Variants in CPQ observed in about 807,000 individuals in gnomAD.
The protein encoded by CPQ is carboxypeptidase Q.
In CPQ, 37 loss-of-function variants were observed where a neutral mutation model predicts 45.7. That is an observed-to-expected ratio of 0.81 (90% CI 0.62 to 1.07). The LOEUF (loss-of-function observed/expected upper bound fraction) is 1.07, where lower values mean the gene tolerates loss of function less well. CPQ is among the 50% of genes least tolerant of loss of function. CPQ has a pLI of 0.00. For missense variants in CPQ, 537 were observed against 572.9 expected (o/e 0.94, Z 0.64); for synonymous variants, 186 against 205.8 (o/e 0.90, Z 0.82).
intron 6 of CPQ, chr8:97,055,595 G>T (rs920112720): frequency 2.0e-5 from 3 of 152,202 alleles, no homozygotes; most frequent in East Asian, 3.9e-4. Flanking sequence ...GAAGGCTGGT[G>T]GTCGCTTGGA....
chr8:96,898,775 A>AT (rs1491313763), intron 4 of CPQ, among the ~76,000 whole-genome samples: 119 of 46,158 alleles, frequency 2.6e-3, no homozygotes, highest in Middle Eastern at 0.015. Flanking sequence ...TTAGGGTATA[A>AT]TAAAAAAAAA....
intron 2 of CPQ, among the ~76,000 whole-genome samples, chr8:96,831,972 C>G (rs1437800257): frequency 6.6e-6 from 1 of 152,174 alleles, no homozygotes; most frequent in East Asian, 1.9e-4. Flanking sequence ...TGGCTAATGG[C>G]TACTGTGTTA....
intron 1 of CPQ, among the ~76,000 whole-genome samples, chr8:96,724,860 A>G (rs1255801391): frequency 1.3e-5 from 2 of 151,978 alleles, no homozygotes; most frequent in Non-Finnish European, 2.9e-5. Flanking sequence ...TGTTTATACT[A>G]TAAGGTAGTG....
At chr8:96,687,140 C>G (rs1809240882) in intron 1 of CPQ, among the ~76,000 whole-genome samples, 1 of 151,928 alleles carries the variant, frequency 6.6e-6, no homozygotes, top group South Asian at 2.1e-4. Context: ...CTTATTCTTT[C>G]ACATTCCATT....
At chr8:97,037,443 A>G (rs1376751033) in intron 6 of CPQ, among the ~76,000 whole-genome samples, 2 of 152,138 alleles carry the variant, frequency 1.3e-5, no homozygotes, top group African/African-American at 4.8e-5. Context: ...TTATATCTTT[A>G]ATGTTCTGTG....
intron 1 of CPQ, among the ~76,000 whole-genome samples, chr8:96,763,256 G>A (rs910682716): frequency 2.6e-5 from 4 of 152,092 alleles, no homozygotes; most frequent in Admixed American, 6.6e-5. Flanking sequence ...GAATTTGGGG[G>A]GTACATAACT....
chr8:97,134,186 C>A (rs1439772381), intron 7 of CPQ, among the ~76,000 whole-genome samples: 1 of 152,184 alleles, frequency 6.6e-6, no homozygotes, highest in Non-Finnish European at 1.5e-5. Flanking sequence ...TTCAGTGATT[C>A]AACAAATATC....
chr8:97,135,822 A>C (rs1812047318), intron 7 of CPQ, among the ~76,000 whole-genome samples: 1 of 152,246 alleles, frequency 6.6e-6, no homozygotes, highest in Non-Finnish European at 1.5e-5. Flanking sequence ...CTAAAATAAC[A>C]GACTTGAATT....
chr8:96,985,843 T>G (rs1808961105), intron 5 of CPQ, among the ~76,000 whole-genome samples: 1 of 152,252 alleles, frequency 6.6e-6, no homozygotes, highest in African/African-American at 2.4e-5. Flanking sequence ...CCAGTGTTAC[T>G]GTATCAAATT....
intron 1 of CPQ, among the ~76,000 whole-genome samples, chr8:96,660,282 G>C (rs555197068): frequency 3.0e-4 from 46 of 151,964 alleles, no homozygotes; most frequent in African/African-American, 1.1e-3. Context: ...TCTTCTCTCT[G>C]TGCATGCACA....
At chr8:96,872,460 A>C (rs1812084629) in intron 3 of CPQ, among the ~76,000 whole-genome samples, 1 of 151,830 alleles carries the variant, frequency 6.6e-6, no homozygotes, top group Non-Finnish European at 1.5e-5. Context: ...TTTTTATTAT[A>C]ATTTAGGTGT....
At chr8:97,042,697 G>A (rs979881230) in intron 6 of CPQ, among the ~76,000 whole-genome samples, 33 of 151,384 alleles carry the variant, frequency 2.2e-4, no homozygotes, top group Non-Finnish European at 3.0e-4. Flanking sequence ...CTTTGTTCTC[G>A]TTGGTTTCAA....
At chr8:96,896,172 A>G (rs186223480) in intron 4 of CPQ, among the ~76,000 whole-genome samples, 3 of 152,216 alleles carry the variant, frequency 2.0e-5, no homozygotes, top group Non-Finnish European at 2.9e-5. Context: ...TAGAGATGCT[A>G]TCTTAACATC....
intron 1 of CPQ, among the ~76,000 whole-genome samples, chr8:96,706,201 C>T (rs951857584): frequency 2.0e-5 from 3 of 152,040 alleles, no homozygotes; most frequent in Non-Finnish European, 2.9e-5. Flanking sequence ...TTTTTCTTGA[C>T]CTGTGGAATT....
At chr8:96,769,215 C>T (rs923298385) in intron 1 of CPQ, among the ~76,000 whole-genome samples, 2 of 152,138 alleles carry the variant, frequency 1.3e-5, no homozygotes, top group African/African-American at 4.8e-5. Flanking sequence ...CTTCCTATTA[C>T]ACTTATAGGG....
At chr8:96,850,836 T>G (rs1204499929) in intron 3 of CPQ, among the ~76,000 whole-genome samples, 1 of 152,264 alleles carries the variant, frequency 6.6e-6, no homozygotes, top group East Asian at 1.9e-4. Context: ...CTGGAACTCC[T>G]GACCTCAGGT....
At chr8:96,988,927 A>C (rs1809038763) in intron 5 of CPQ, among the ~76,000 whole-genome samples, 2 of 152,230 alleles carry the variant, frequency 1.3e-5, no homozygotes, top group African/African-American at 4.8e-5. Flanking sequence ...CAGGAAATAC[A>C]TCTTGACCAA....
At chr8:96,786,286 T>C (rs1482103904) in intron 2 of CPQ, among the ~76,000 whole-genome samples, 1 of 152,164 alleles carries the variant, frequency 6.6e-6, no homozygotes, top group African/African-American at 2.4e-5. Flanking sequence ...TATGTGATCT[T>C]TCATGAATTC....
chr8:97,122,912 TAAAATA>T (rs1169584831), intron 7 of CPQ, among the ~76,000 whole-genome samples: 1 of 64,556 alleles, frequency 1.5e-5, no homozygotes, highest in African/African-American at 1.0e-4. Context: ...TAAAATAAAA[TAAAATA>T]AAATAAAATA....
Sources: gnomAD v4.1 joint callset for allele counts (sites outside exome capture counted in the v4.1 genomes callset) on GRCh38, gnomAD v4.1.1 for gene constraint, MANE v1.5 for transcripts, NCBI Gene and HGNC (gene_info 2026-07-23, HGNC 2026-07-21) for gene names.